OPA1: variants seen among roughly 807,000 people sequenced by gnomAD.
OPA1 encodes the protein dynamin-like GTPase OPA1, mitochondrial.
In OPA1, 59 loss-of-function variants were observed where a neutral mutation model predicts 152.9. That is an observed-to-expected ratio of 0.39 (90% CI 0.31 to 0.48). The LOEUF is 0.48. Among genes scored for constraint, OPA1 ranks in the 20% least tolerant of loss-of-function variants. The probability of loss-of-function intolerance (pLI) is 0.96; values close to 1 mark genes in which losing one functional copy is unlikely to be tolerated. For missense variants in OPA1, 1,008 were observed against 1,216.8 expected (o/e 0.83, Z 2.55); for synonymous variants, 400 against 389.9 (o/e 1.03, Z -0.31).
chr3:193,630,180 T>A (rs900156999), intron 7 of OPA1, among the ~76,000 whole-genome samples: 1 of 152,208 alleles, frequency 6.6e-6, no homozygotes, highest in Non-Finnish European at 1.5e-5. Context: ...CCTCACAGTT[T>A]AGGCGACTGT....
chr3:193,643,894 C>G (rs1734147932), intron 15 of OPA1, 81 bp from the exon 16 acceptor site: 1 of 1,391,580 alleles, frequency 7.2e-7, no homozygotes, highest in African/African-American at 1.4e-5. Flanking sequence ...AATGTAGACA[C>G]AGGGGTATAA....
At chr3:193,614,105 C>T in intron 1 of OPA1, 1 of 381,856 alleles carries the variant, frequency 2.6e-6, no homozygotes, top group East Asian at 6.6e-5. Context: ...AATTCTGTTC[C>T]CTTTCGAGCT....
At chr3:193,655,752 C>A (rs976076445) in intron 22 of OPA1, among the ~76,000 whole-genome samples, 1 of 152,174 alleles carries the variant, frequency 6.6e-6, no homozygotes, top group Non-Finnish European at 1.5e-5. Context: ...TATTATGGTC[C>A]TCATCATCTG....
chr3:193,597,554 G>A (rs577532313), intron 1 of OPA1, among the ~76,000 whole-genome samples: 81 of 152,048 alleles, frequency 5.3e-4, no homozygotes, highest in Middle Eastern at 3.4e-3. Context: ...AGCCAGGTGT[G>A]GTGGCAGGTC....
chr3:193,602,056 T>A (rs1418707019), intron 1 of OPA1, among the ~76,000 whole-genome samples: 1 of 151,956 alleles, frequency 6.6e-6, no homozygotes, highest in Non-Finnish European at 1.5e-5. Flanking sequence ...GGGAAAAAAA[T>A]AAGGAAAACA....
At chr3:193,685,019 T>C (rs1311518253) in intron 29 of OPA1, among the ~76,000 whole-genome samples, 1 of 151,982 alleles carries the variant, frequency 6.6e-6, no homozygotes, top group Non-Finnish European at 1.5e-5. Flanking sequence ...TGAATTTATC[T>C]GACCAGGCGC....
chr3:193,676,798 G>A (rs1245785615), intron 29 of OPA1, among the ~76,000 whole-genome samples: 2 of 152,086 alleles, frequency 1.3e-5, no homozygotes, highest in Non-Finnish European at 2.9e-5. Flanking sequence ...GGCTAACACA[G>A]TGAAACCCCG....
At chr3:193,683,694 G>C (rs558344391) in intron 29 of OPA1, among the ~76,000 whole-genome samples, 7 of 152,302 alleles carry the variant, frequency 4.6e-5, no homozygotes, top group Admixed American at 1.3e-4. Flanking sequence ...CCAGCAAAAA[G>C]ATTATGACTT....
intron 29 of OPA1, among the ~76,000 whole-genome samples, chr3:193,667,670 C>CAAA (rs35232250): frequency 0.011 from 1,043 of 93,156 alleles, 20 homozygotes; most frequent in African/African-American, 0.025. Context: ...GATTCTGTCT[C>CAAA]AAAAAAAAAA....
In OPA1 at chr3:193,681,014, A is replaced by C. The variant is rs555625429; in HGVS notation, c.2984-11049A>C. On this transcript the variant is annotated intron_variant, in intron 29 of 30. Coordinates refer to ENST00000361510, the MANE Select transcript of OPA1 (RefSeq NM_130837.3). ...TGTAATCTTATGGTAAAATCTATTC[A>C]TTTTTTACATTTAAAAAGATGATCA... 2.6e-5 allele frequency among the ~76,000 whole-genome samples: 4 copies of C among 152,256 alleles called. No individual in the cohort carries two copies. The South Asian group carries it at 8.3e-4, about 32-fold the overall frequency.
rs193059340 is a variant in OPA1 at position 193,610,347 on chromosome 3, A to G, written c.33-4376A>G. Among the ~76,000 whole-genome samples, 133 of 152,332 alleles carry G rather than the reference A, an allele frequency of 8.7e-4. 1 individual carries two copies. The East Asian group carries it at 0.022, about 26-fold the overall frequency. ...GTATCAGCAGCGGAGGCTGCAGAAC[A>G]ACGAATATTGGTGAACAGCAGATGT... is the stretch of plus-strand genomic sequence containing the variant. On this transcript the variant is annotated intron_variant, in intron 1 of 30. Coordinates refer to ENST00000361510, the MANE Select transcript of OPA1 (RefSeq NM_130837.3).
At chr3:193,691,542 T>C (rs1577410382) in intron 29 of OPA1, 2 of 152,436 alleles carry the variant, frequency 1.3e-5, no homozygotes, top group Middle Eastern at 6.8e-3. Context: ...TTTAATTTTA[T>C]GACATATAAA....
At chr3:193,648,648 C>A in intron 20 of OPA1, 147 bp from the exon 21 acceptor site, 1 of 601,516 alleles carries the variant, frequency 1.7e-6, no homozygotes, top group Non-Finnish European at 3.1e-6. Flanking sequence ...TAAAAAAAAA[C>A]ACTAGAAGTG....
At chr3:193,688,000 G>C (rs1045634605) in intron 29 of OPA1, among the ~76,000 whole-genome samples, 1 of 152,054 alleles carries the variant, frequency 6.6e-6, no homozygotes, top group African/African-American at 2.4e-5. Flanking sequence ...TCAGGTGTGA[G>C]CCACCAGCTT....
At chr3:193,634,169 T>A (rs1732549489) in intron 8 of OPA1, among the ~76,000 whole-genome samples, 1 of 152,012 alleles carries the variant, frequency 6.6e-6, no homozygotes, top group South Asian at 2.1e-4. Context: ...GGGTTATTTT[T>A]AATAGTTTTC....
intron 21 of OPA1, among the ~76,000 whole-genome samples, chr3:193,653,431 C>T (rs1033894596): frequency 6.6e-6 from 1 of 152,090 alleles, no homozygotes. Flanking sequence ...TGGCTATATC[C>T]TAAAGGGTTG....
In OPA1 at chr3:193,694,960, C is replaced by A. The variant is rs902660121; in HGVS notation, c.*360C>A. ...ACTGAGGTTGCTCAATGTTCAGTTT[C>A]TTTTCCAGAAATACAATGCTAGGTG... On this transcript the variant is annotated 3_prime_UTR_variant, in exon 31 of 31. Coordinates refer to ENST00000361510, the MANE Select transcript of OPA1 (RefSeq NM_130837.3). 3.3e-5 allele frequency: 5 copies of A among 152,148 alleles called. No homozygotes were observed. The highest frequency in any genetic ancestry group is 2.1e-4 in the South Asian group (1 of 4,828). 9.4% of individuals were successfully genotyped at this position (152,148 alleles called of 1,614,324 possible). A position where few individuals can be genotyped will look rare whatever the true frequency, so the allele number is the denominator to read the frequency against.
chr3:193,643,557 A>G lies in OPA1; in HGVS notation c.1407A>G (p.Thr469=). ...NTVTSGMAPD[T]KETIFSISKA... ...TGACATCAGGCATGGCTCCTGACAC[A>G]AAGGAAACTATTTTCAGTATCAGCA... The change falls in exon 15 of 31, where the codon ACA becomes ACG. Residue 469 remains threonine (T), a synonymous_variant. Transcript: ENST00000361510. The G allele has an allele frequency of 6.2e-7, 1 of 1,613,972 alleles. No individual in the cohort carries two copies. Among genetic ancestry groups the G allele is most frequent in the Non-Finnish European group, 8.5e-7 (1 of 1,179,920 alleles).
In OPA1 at chr3:193,605,323, C is replaced by T. The variant is rs549809990; in HGVS notation, c.33-9400C>T. On this transcript the variant is annotated intron_variant, in intron 1 of 30. Coordinates refer to ENST00000361510, the MANE Select transcript of OPA1 (RefSeq NM_130837.3). Reference sequence around the variant, plus strand: ...TGCCTGTAAATCTGGAACAAATCTCCAGTCTCATCCATTTTGTTTTTTAAC... The same window carrying T: ...TGCCTGTAAATCTGGAACAAATCTCTAGTCTCATCCATTTTGTTTTTTAAC... Among the ~76,000 whole-genome samples, 3 of 152,278 alleles carry T rather than the reference C, an allele frequency of 2.0e-5. No homozygotes were observed. The South Asian group carries it at 6.2e-4, about 32-fold the overall frequency.
Sources: allele counts gnomAD v4.1 joint callset (sites outside exome capture counted in the v4.1 genomes callset), GRCh38; gene constraint gnomAD v4.1.1; transcripts MANE v1.5; gene names NCBI Gene and HGNC (gene_info 2026-07-23, HGNC 2026-07-21).